Variants in AXL observed in about 807,000 individuals in gnomAD.
AXL encodes the protein tyrosine-protein kinase receptor UFO.
In AXL, 52 loss-of-function variants were observed where a neutral mutation model predicts 104.5. The ratio of observed to expected loss-of-function variants is 0.50; its 90% CI spans 0.40 to 0.63. AXL has a LOEUF of 0.63. Among genes scored for constraint, AXL ranks in the 20% least tolerant of loss-of-function variants. The pLI is 0.00. For missense variants in AXL, 1,024 were observed against 1,188.5 expected, an observed-to-expected ratio of 0.86 and a Z score of 2.04; for synonymous variants, 455 against 473.7, an observed-to-expected ratio of 0.96 and a Z score of 0.51.
intron 6 of AXL, among the ~76,000 whole-genome samples, chr19:41,232,021 C>G (rs1245803080): frequency 1.3e-5 from 2 of 152,116 alleles, no homozygotes; most frequent in African/African-American, 4.8e-5. Flanking sequence ...TTAACTCTAG[C>G]CAGAGTGGGA....
chr19:41,233,329 A>G (rs2034024915), intron 6 of AXL, among the ~76,000 whole-genome samples: 2 of 149,488 alleles, frequency 1.3e-5, no homozygotes, highest in Non-Finnish European at 3.0e-5. Flanking sequence ...TTAAACAGGA[A>G]TTGTCTTATA....
intron 6 of AXL, among the ~76,000 whole-genome samples, chr19:41,234,459 A>G (rs193058906): frequency 2.0e-5 from 3 of 151,992 alleles, no homozygotes. Context: ...CATCTCTCCA[A>G]ATAATTAAAA....
At chr19:41,249,538 A>G (rs893225112) in intron 14 of AXL, among the ~76,000 whole-genome samples, 5 of 152,012 alleles carry the variant, frequency 3.3e-5, no homozygotes, top group East Asian at 1.9e-4. Context: ...GGTGGATCAC[A>G]TGAGGTCAGG....
chr19:41,232,268 A>G (rs2034004722), intron 6 of AXL, among the ~76,000 whole-genome samples: 1 of 152,200 alleles, frequency 6.6e-6, no homozygotes, highest in Admixed American at 6.5e-5. Flanking sequence ...CTAGAAGGAT[A>G]TATTACAACC....
chr19:41,253,725 G>T lies in AXL; in HGVS notation c.2036+17G>T. 2.0e-6 allele frequency: 3 copies of T among 1,497,150 alleles called. No individual in the cohort carries two copies. The highest frequency in any genetic ancestry group is 2.4e-5 in the South Asian group (2 of 84,956). 92.7% of individuals were successfully genotyped at this position (1,497,150 alleles called of 1,614,324 possible). On this transcript the variant is annotated intron_variant, in intron 17 of 19. Transcript: ENST00000301178. ...GAACTGCATGTGAGTGCCTTTCAGGGACCCCCCCCCCCCAACTGCTCCTGC... is the reference window on the plus strand; with the variant it reads ...GAACTGCATGTGAGTGCCTTTCAGGTACCCCCCCCCCCCAACTGCTCCTGC...
At chr19:41,253,311 C>T (rs904182720) in intron 16 of AXL, among the ~76,000 whole-genome samples, 2 of 152,036 alleles carry the variant, frequency 1.3e-5, no homozygotes, top group African/African-American at 4.8e-5. Context: ...ACAGAGCGCA[C>T]AGCATAGGCA....
At chr19:41,229,143 G>A (rs2033933138) in intron 4 of AXL, among the ~76,000 whole-genome samples, 1 of 151,986 alleles carries the variant, frequency 6.6e-6, no homozygotes, top group South Asian at 2.1e-4. Flanking sequence ...TAGAGACGAG[G>A]TTTCACTATG....
At chr19:41,248,972 T>A in intron 14 of AXL, 152 bp downstream of exon 14, 1 of 707,508 alleles carries the variant, frequency 1.4e-6, no homozygotes, top group Non-Finnish European at 2.3e-6. Flanking sequence ...AGGAATTGAA[T>A]ATGGGGAGAT....
Position 41,219,417 on chromosome 19 carries a change from G to C in AXL, c.25G>C (p.Gly9Arg). Residue 9 changes from glycine (G) to arginine (R), a missense_variant, in exon 1 of 20, where the codon GGC becomes CGC. Coordinates refer to ENST00000301178, the MANE Select transcript of AXL (RefSeq NM_021913.5). ...CATGGCGTGGCGGTGCCCCAGGATGGGCAGGGTCCCGCTGGCCTGGTGCTT... is the reference window on the plus strand; with the variant it reads ...CATGGCGTGGCGGTGCCCCAGGATGCGCAGGGTCCCGCTGGCCTGGTGCTT... MAWRCPRMGRVPLAWCLAL... is the reference protein window; with the variant it reads MAWRCPRMRRVPLAWCLAL... The C allele has an allele frequency of 1.2e-6, 2 of 1,605,132 alleles. No homozygotes were observed. Among genetic ancestry groups the C allele is most frequent in the Non-Finnish European group, 1.7e-6 (2 of 1,176,188 alleles).
At chr19:41,253,057 G>T in intron 16 of AXL, 90 bp downstream of exon 16, 1 of 1,424,676 alleles carries the variant, frequency 7.0e-7, no homozygotes, top group South Asian at 1.3e-5. Flanking sequence ...AGACCACGGT[G>T]ACCAGGAGCT....
At chr19:41,227,535 G>T (rs2033904433) in intron 4 of AXL, among the ~76,000 whole-genome samples, 1 of 150,676 alleles carries the variant, frequency 6.6e-6, no homozygotes, top group African/African-American at 2.4e-5. Context: ...GCCCAGGCTG[G>T]AGTGCAGTGT....
At chr19:41,230,006 TGTGA>T (rs911008098) in intron 4 of AXL, among the ~76,000 whole-genome samples, 19 of 152,106 alleles carry the variant, frequency 1.2e-4, no homozygotes, top group South Asian at 2.1e-4. Context: ...TGTGTCTATG[TGTGA>T]GTATGTATAT....
chr19:41,249,755 GAA>G (rs879398053), intron 14 of AXL, among the ~76,000 whole-genome samples: 1 of 137,988 alleles, frequency 7.2e-6, no homozygotes. Context: ...GACTCCGTCT[GAA>G]AAAAAAAAAA....
At chr19:41,224,783 C>T (rs1463260004) in intron 4 of AXL, among the ~76,000 whole-genome samples, 1 of 145,474 alleles carries the variant, frequency 6.9e-6, no homozygotes, top group Non-Finnish European at 1.5e-5. Flanking sequence ...ACTGTAGTCA[C>T]AGACCTGTGT....
chr19:41,219,621 G>GGGA, intron 1 of AXL, 144 bp downstream of exon 1: 1 of 907,940 alleles, frequency 1.1e-6, no homozygotes, highest in Non-Finnish European at 1.7e-6. Context: ...CTTCAAGGGA[G>GGGA]GGAGACACAG....
At position 41,256,489 on chromosome 19, in the gene AXL, G is replaced by A. The variant is rs1347040167; in HGVS notation, c.2074G>A (p.Gly692Arg). The change falls in exon 18 of 20, where the codon GGG (glycine) becomes AGG (arginine). Residue 692 changes from glycine to arginine, a missense_variant. Physicochemically the swap from Gly to Arg is moderately radical, Grantham distance 125. Transcript: ENST00000301178. ...ENMSVCVADF[G>R]LSKKIYNGDY... ...CATGTCCGTGTGTGTGGCGGACTTCGGGCTCTCCAAGAAGATCTACAATGG... is the reference window on the plus strand; with the variant it reads ...CATGTCCGTGTGTGTGGCGGACTTCAGGCTCTCCAAGAAGATCTACAATGG... 6 of 1,613,866 alleles carry A rather than the reference G, an allele frequency of 3.7e-6. No homozygotes were observed. The highest frequency in any genetic ancestry group is 1.3e-5 in the African/African-American group (1 of 74,854).
At chr19:41,256,751 G>A in intron 18 of AXL, 140 bp downstream of exon 18, 2 of 1,177,074 alleles carry the variant, frequency 1.7e-6, no homozygotes, top group Non-Finnish European at 1.2e-6. Context: ...ACATGGGCTG[G>A]GCATGTCTTG....
At chr19:41,239,458 C>A in intron 9 of AXL, 144 bp downstream of exon 9, 1 of 1,251,844 alleles carries the variant, frequency 8.0e-7, no homozygotes, top group African/African-American at 1.5e-5. Context: ...ACTCCCTTAC[C>A]CATGCCAACC....
At chr19:41,239,404 C>A (rs1803557596) in intron 9 of AXL, 90 bp downstream of exon 9, 1 of 1,501,376 alleles carries the variant, frequency 6.7e-7, no homozygotes, top group South Asian at 1.3e-5. Flanking sequence ...GTTACCGCAA[C>A]TTAGGCCCTG....
Sources: gnomAD v4.1 joint callset for allele counts (sites outside exome capture counted in the v4.1 genomes callset) on GRCh38, gnomAD v4.1.1 for gene constraint, MANE v1.5 for transcripts, NCBI Gene and HGNC (gene_info 2026-07-23, HGNC 2026-07-21) for gene names.